Variants in CFAP47 observed in about 807,000 individuals in gnomAD.
The protein encoded by CFAP47 is cilia and flagella associated protein 47.
A neutral mutation model predicts 148.1 loss-of-function variants in CFAP47; 29 were observed. The ratio of observed to expected loss-of-function variants is 0.20; its 90% CI spans 0.15 to 0.27. CFAP47 has a LOEUF of 0.27. Ranked by LOEUF, CFAP47 falls within the 10% of genes least tolerant of loss-of-function variation. The pLI is 1.00. For missense variants in CFAP47, 1,872 were observed against 1,697.5 expected (o/e 1.10, Z -1.81); for synonymous variants, 664 against 577.3 (o/e 1.15, Z -2.15).
intron 18 of CFAP47, among the ~76,000 whole-genome samples, chrX:35,996,711 G>T (rs1936851801): frequency 9.0e-6 from 1 of 111,574 alleles, no homozygotes; most frequent in Admixed American, 9.6e-5. Context: ...GCAGCCCTTA[G>T]TTTAGCTGCT....
intron 23 of CFAP47, among the ~76,000 whole-genome samples, chrX:36,032,369 A>T (rs886912503): frequency 9.0e-6 from 1 of 110,631 alleles, no homozygotes; most frequent in South Asian, 3.7e-4. Flanking sequence ...TTGCAGTCAT[A>T]ATATATAAGA....
chrX:36,081,286 G>A (rs946471515), intron 29 of CFAP47, among the ~76,000 whole-genome samples: 2 of 111,252 alleles, frequency 1.8e-5, no homozygotes, highest in African/African-American at 6.5e-5. Context: ...ATCCTCTCAA[G>A]ATTGAATCAG....
At chrX:36,090,773 T>C (rs1346382179) in intron 30 of CFAP47, among the ~76,000 whole-genome samples, 1 of 111,463 alleles carries the variant, frequency 9.0e-6, no homozygotes, top group Non-Finnish European at 1.9e-5. Flanking sequence ...CCATTTAAAT[T>C]TGATAATACA....
intron 35 of CFAP47, among the ~76,000 whole-genome samples, chrX:36,143,497 A>G (rs1173173880): frequency 8.9e-6 from 1 of 111,863 alleles, no homozygotes; most frequent in Admixed American, 9.5e-5. Flanking sequence ...CCATTAAGTC[A>G]TAGCAGACCT....
chrX:35,932,169 C>T (rs2065693202), intron 2 of CFAP47, among the ~76,000 whole-genome samples: 1 of 109,794 alleles, frequency 9.1e-6, no homozygotes, highest in Non-Finnish European at 1.9e-5. Flanking sequence ...CCTCCTCAGC[C>T]CCCCAAGTTG....
At chrX:36,246,420 T>C (rs1189213082) in intron 48 of CFAP47, among the ~76,000 whole-genome samples, 1 of 111,841 alleles carries the variant, frequency 8.9e-6, no homozygotes, top group Non-Finnish European at 1.9e-5. Context: ...AATTTATAAA[T>C]GAAATAAGTT....
chrX:36,293,157 C>T (rs782595736), intron 51 of CFAP47, among the ~76,000 whole-genome samples: 5 of 111,180 alleles, frequency 4.5e-5, no homozygotes, highest in African/African-American at 1.3e-4. Context: ...AGTTAGAAAA[C>T]GAATAAAATA....
chrX:36,122,248 G>A (rs564248317), intron 33 of CFAP47, among the ~76,000 whole-genome samples: 2 of 110,883 alleles, frequency 1.8e-5, no homozygotes, highest in Admixed American at 9.7e-5. Context: ...TTGATCTTTC[G>A]AAGTTTGATT....
At chrX:36,143,552 C>T (rs5973593) in intron 35 of CFAP47, among the ~76,000 whole-genome samples, 11,580 of 111,304 alleles carry the variant, frequency 0.1, 1,198 homozygotes, top group African/African-American at 0.31. Flanking sequence ...TGTATATTGA[C>T]ACTGACAGAG....
intron 33 of CFAP47, among the ~76,000 whole-genome samples, chrX:36,110,753 C>G (rs1485733517): frequency 8.9e-6 from 1 of 111,873 alleles, no homozygotes; most frequent in East Asian, 2.8e-4. Context: ...TGGAATGATT[C>G]TTCCATCTGT....
chrX:36,061,743 T>C (rs780345826), intron 26 of CFAP47, among the ~76,000 whole-genome samples: 3 of 112,205 alleles, frequency 2.7e-5, no homozygotes, highest in Non-Finnish European at 5.6e-5. Flanking sequence ...GAAGGAAATA[T>C]AGTCATCTGA....
chrX:36,012,245 G>A (rs1937046871), intron 21 of CFAP47, among the ~76,000 whole-genome samples: 1 of 111,545 alleles, frequency 9.0e-6, no homozygotes, highest in African/African-American at 3.3e-5. Flanking sequence ...AACCATTGTA[G>A]AAGACAGTGT....
intron 29 of CFAP47, among the ~76,000 whole-genome samples, chrX:36,081,862 A>G (rs753950229): frequency 7.2e-5 from 8 of 111,648 alleles, no homozygotes; most frequent in Non-Finnish European, 1.3e-4. Context: ...AGAGCCATCT[A>G]TGACAGCCAA....
At chrX:35,927,998 TA>T (rs1366392374) in intron 2 of CFAP47, among the ~76,000 whole-genome samples, 60 of 75,895 alleles carry the variant, frequency 7.9e-4, no homozygotes, top group African/African-American at 2.7e-3. Flanking sequence ...TATTCTATTT[TA>T]TATATATATA....
chrX:36,317,553 G>A (rs782331663), intron 56 of CFAP47, among the ~76,000 whole-genome samples: 12 of 107,330 alleles, frequency 1.1e-4, no homozygotes, highest in Middle Eastern at 9.7e-3. Context: ...GGGACTACAG[G>A]CGCCCACCAC....
chrX:36,057,386 A>G (rs928472382), intron 26 of CFAP47, among the ~76,000 whole-genome samples: 7 of 111,649 alleles, frequency 6.3e-5, no homozygotes, highest in Non-Finnish European at 1.3e-4. Flanking sequence ...AGTCATTTTG[A>G]TGGAATAAAT....
At chrX:36,290,335 C>G (rs1217367583) in intron 51 of CFAP47, among the ~76,000 whole-genome samples, 8 of 111,841 alleles carry the variant, frequency 7.2e-5, no homozygotes, top group African/African-American at 2.6e-4. Flanking sequence ...TCATAATTAC[C>G]AACAATGCTG....
chrX:36,083,164 G>T (rs1229376136), intron 29 of CFAP47, among the ~76,000 whole-genome samples: 1 of 110,050 alleles, frequency 9.1e-6, no homozygotes, highest in African/African-American at 3.3e-5. Context: ...TTCTTTGCAG[G>T]ATGTTTCCCC....
At chrX:36,097,623 C>CA (rs745418550) in intron 30 of CFAP47, among the ~76,000 whole-genome samples, 1 of 110,975 alleles carries the variant, frequency 9.0e-6, no homozygotes, top group Admixed American at 9.6e-5. Flanking sequence ...TCAGACATAT[C>CA]AGAGGTTCAT....
Sources: allele counts gnomAD v4.1 joint callset (sites outside exome capture counted in the v4.1 genomes callset), GRCh38; gene constraint gnomAD v4.1.1; transcripts MANE v1.5; gene names NCBI Gene and HGNC (gene_info 2026-07-23, HGNC 2026-07-21).